The following TSGA13 variants were observed in gnomAD, a reference collection of about 807,000 sequenced individuals.
TSGA13 encodes testis-specific gene 13 protein.
Under a neutral mutation model 35.1 loss-of-function variants are expected in TSGA13, and 37 were observed. That is an observed-to-expected ratio of 1.05 (90% CI 0.81 to 1.39). TSGA13 has a LOEUF of 1.39. TSGA13 is among the 40% of genes most tolerant of loss of function. The pLI is 0.00. For missense variants in TSGA13, 338 were observed against 328.5 expected (o/e 1.03, Z -0.22); for synonymous variants, 124 against 121.2 (o/e 1.02, Z -0.15).
intron 3 of TSGA13, 67 bp downstream of exon 3, chr7:130,683,527 G>C: frequency 6.9e-7 from 1 of 1,451,024 alleles, no homozygotes; most frequent in Non-Finnish European, 9.4e-7. Context: ...GTGATATCCA[G>C]CTTATTAAGT....
Position 130,686,288 on chromosome 7 carries a change from C to T in TSGA13, c.-177G>A, listed in dbSNP as rs1796656871. On this transcript the variant is annotated 5_prime_UTR_variant, in exon 1 of 8. The change creates a premature stop within an existing upstream ORF in the 5' untranslated region. Transcript: ENST00000356588. ...TTTAATTTTTCTGGAATTGTAAGTCCAATTCATGTATATGGTGAAACTAAA... is the reference window on the plus strand; with the variant it reads ...TTTAATTTTTCTGGAATTGTAAGTCTAATTCATGTATATGGTGAAACTAAA... 2.0e-5 allele frequency: 3 copies of T among 151,992 alleles called. No homozygotes were observed. The highest frequency in any genetic ancestry group is 4.4e-5 in the Non-Finnish European group (3 of 68,000). 9.4% of individuals were successfully genotyped at this position (151,992 alleles called of 1,614,324 possible).
At chr7:130,670,638 C>T (rs1554462818) in intron 7 of TSGA13, among the ~76,000 whole-genome samples, 1 of 152,022 alleles carries the variant, frequency 6.6e-6, no homozygotes, top group African/African-American at 2.4e-5. Flanking sequence ...GTTTGTTTTT[C>T]AGACAGGGTC....
chr7:130,683,071 C>A (rs1554465337), intron 3 of TSGA13, among the ~76,000 whole-genome samples: 1 of 152,112 alleles, frequency 6.6e-6, no homozygotes, highest in African/African-American at 2.4e-5. Context: ...GGGAAATTCC[C>A]TGGTGAAAAT....
At chr7:130,671,358 TA>T (rs35721011) in intron 7 of TSGA13, among the ~76,000 whole-genome samples, 3 of 152,180 alleles carry the variant, frequency 2.0e-5, no homozygotes, top group Non-Finnish European at 4.4e-5. Flanking sequence ...AAAATCCTTT[TA>T]AAAAATGCTA....
At position 130,672,797 on chromosome 7, in the gene TSGA13, A is replaced by C. The variant is rs2116301494; in HGVS notation, c.467T>G (p.Leu156Arg). Residue 156 changes from leucine (L) to arginine (R), a missense_variant, in exon 6 of 8, where the codon CTG becomes CGG. Leu to Arg is a moderately radical substitution (Grantham distance 102, BLOSUM62 -2). Coordinates refer to ENST00000356588, the MANE Select transcript of TSGA13 (RefSeq NM_052933.4). ...MPQKKKLRSK[L>R]KPIFPLILSD... ...CAGTATCAAAGGGAAGATTGGTTTC[A>C]GCTTAGATCTTAACTTTTTTTTCTG... 1 of 1,613,980 alleles carries C rather than the reference A, an allele frequency of 6.2e-7. No individual in the cohort carries two copies. The highest frequency in any genetic ancestry group is 2.2e-5 in the East Asian group (1 of 44,884).
At position 130,668,895 on chromosome 7, in the gene TSGA13, C is replaced by G. The variant is rs1487108282; in HGVS notation, c.*119G>C. ...GCCGGAGACTTCGGCTCGACCCTCC[C>G]GGCTTGCGACCCGGGAGCCCACGCC... On this transcript the variant is annotated 3_prime_UTR_variant, in exon 8 of 8. Transcript: ENST00000356588. 14 of 1,459,086 alleles carry G rather than the reference C, an allele frequency of 9.6e-6. No homozygotes were observed. The African/African-American group carries it at 1.1e-4, about 12-fold the overall frequency. The allele number at this position is 1,459,086 out of a possible 1,614,324, so 90.4% of individuals were successfully genotyped here.
chr7:130,681,545 G>T (rs1223743405), intron 3 of TSGA13, among the ~76,000 whole-genome samples: 2 of 152,172 alleles, frequency 1.3e-5, no homozygotes, highest in African/African-American at 4.8e-5. Context: ...GAAGAGCAGT[G>T]CATGTTACAA....
Position 130,681,087 on chromosome 7 carries a change from C to T in TSGA13, c.103-70G>A, listed in dbSNP as rs1408679075. The T allele has an allele frequency of 4.9e-5, 66 of 1,336,726 alleles. 1 individual carries two copies. The highest frequency in any genetic ancestry group is 6.9e-5 in the Non-Finnish European group (64 of 930,344). The allele number at this position is 1,336,726 out of a possible 1,614,324, so 82.8% of individuals were successfully genotyped here. A position where few individuals can be genotyped will look rare whatever the true frequency, so the allele number is the denominator to read the frequency against. On this transcript the variant is annotated intron_variant, in intron 3 of 7. Transcript: ENST00000356588. Reference sequence around the variant, plus strand: ...CTAAACAGTATTCCATTCCTTACCTCACCTTAGTCTCACTGGAGAACTGGT... The same window carrying T: ...CTAAACAGTATTCCATTCCTTACCTTACCTTAGTCTCACTGGAGAACTGGT...
At position 130,668,841 on chromosome 7, in the gene TSGA13, A is replaced by T. The variant is rs1330588469; in HGVS notation, c.*173T>A. On this transcript the variant is annotated 3_prime_UTR_variant, in exon 8 of 8. Transcript: ENST00000356588. Reference sequence around the variant, plus strand: ...CGGCCGCCCTCGGCCCCCGGGACGCAGCCACGCCCCCTTCTCCTCTTGCGG... The same window carrying T: ...CGGCCGCCCTCGGCCCCCGGGACGCTGCCACGCCCCCTTCTCCTCTTGCGG... The T allele has an allele frequency of 1.6e-6, 2 of 1,281,938 alleles. No individual in the cohort carries two copies. The highest frequency in any genetic ancestry group is 2.1e-6 in the Non-Finnish European group (2 of 952,268). 79.4% of individuals were successfully genotyped at this position (1,281,938 alleles called of 1,614,324 possible).
chr7:130,677,909 T>C (rs1395046358), intron 5 of TSGA13, among the ~76,000 whole-genome samples: 1 of 152,248 alleles, frequency 6.6e-6, no homozygotes, highest in Non-Finnish European at 1.5e-5. Flanking sequence ...TATTCTTCTA[T>C]TACTTTAACA....
At chr7:130,683,836 A>T (rs1796601398) in intron 2 of TSGA13, among the ~76,000 whole-genome samples, 164 bp from the exon 3 acceptor site, 1 of 152,316 alleles carries the variant, frequency 6.6e-6, no homozygotes, top group Middle Eastern at 3.4e-3. Context: ...CAGACTCATT[A>T]TCCAGCCTGC....
chr7:130,684,424 G>C (rs1189636062), intron 2 of TSGA13, among the ~76,000 whole-genome samples: 1 of 152,146 alleles, frequency 6.6e-6, no homozygotes, highest in Non-Finnish European at 1.5e-5. Flanking sequence ...GTAAGATTTG[G>C]TTAATGATTA....
intron 4 of TSGA13, 67 bp from the exon 5 acceptor site, chr7:130,679,434 T>G: frequency 1.4e-6 from 2 of 1,380,892 alleles, no homozygotes; most frequent in Non-Finnish European, 2.0e-6. Context: ...ACAAATCGGT[T>G]GGCTGATACT....
intron 5 of TSGA13, among the ~76,000 whole-genome samples, chr7:130,675,635 G>A (rs543169384): frequency 9.7e-4 from 147 of 152,200 alleles, no homozygotes; most frequent in African/African-American, 3.1e-3. Context: ...TGCCTGCCTC[G>A]GCCTCCCAAA....
chr7:130,674,555 CACATT>C (rs1796366717), intron 5 of TSGA13, among the ~76,000 whole-genome samples: 1 of 152,174 alleles, frequency 6.6e-6, no homozygotes. Flanking sequence ...TGGCATTTAT[CACATT>C]ACATTATCTG....
chr7:130,671,930 A>G (rs1796282976), intron 6 of TSGA13, 142 bp from the exon 7 acceptor site: 2 of 661,076 alleles, frequency 3.0e-6, no homozygotes, highest in Admixed American at 1.2e-4. Flanking sequence ...TTGTTCTGTC[A>G]CCCAAGCTGG....
chr7:130,678,253 C>T (rs927390572), intron 5 of TSGA13, among the ~76,000 whole-genome samples: 2 of 152,146 alleles, frequency 1.3e-5, no homozygotes, highest in African/African-American at 2.4e-5. Context: ...GTGGTGGGCA[C>T]CTGTAGTCCT....
chr7:130,674,169 CTTTTT>C (rs1162370815), intron 5 of TSGA13, among the ~76,000 whole-genome samples: 3 of 98,448 alleles, frequency 3.0e-5, no homozygotes, highest in Non-Finnish European at 5.9e-5. Context: ...TTCTTTTTTT[CTTTTT>C]TTTTTTTTTT....
chr7:130,669,391 C>T (rs1345626855), intron 7 of TSGA13, among the ~76,000 whole-genome samples: 1 of 152,210 alleles, frequency 6.6e-6, no homozygotes, highest in Non-Finnish European at 1.5e-5. Flanking sequence ...AATTCATTGC[C>T]AGTTTAGAGT....
Sources: gnomAD v4.1 joint callset for allele counts (sites outside exome capture counted in the v4.1 genomes callset) on GRCh38, gnomAD v4.1.1 for gene constraint, MANE v1.5 for transcripts, NCBI Gene and HGNC (gene_info 2026-07-23, HGNC 2026-07-21) for gene names.